Variants in SLC12A3 observed in about 807,000 individuals in gnomAD.
SLC12A3 encodes the protein Na-Cl cotransporter.
A neutral mutation model predicts 121.0 loss-of-function variants in SLC12A3; 104 were observed. The ratio of observed to expected loss-of-function variants is 0.86; its 90% CI spans 0.73 to 1.01. The LOEUF is 1.01. SLC12A3 is among the 50% of genes least tolerant of loss of function. The pLI is 0.00. For missense variants in SLC12A3, 1,328 were observed against 1,356.3 expected, an observed-to-expected ratio of 0.98 and a Z score of 0.33; for synonymous variants, 536 against 533.4, an observed-to-expected ratio of 1.00 and a Z score of -0.07.
intron 15 of SLC12A3, 97 bp downstream of exon 15, chr16:56,885,461 G>C: frequency 2.5e-6 from 2 of 815,406 alleles, no homozygotes; most frequent in Non-Finnish European, 4.1e-6. Flanking sequence ...GACCCAGGCA[G>C]ACCCAGGGTA....
At chr16:56,902,531 G>GGGGGGGCCC in intron 24 of SLC12A3, 23 bp downstream of exon 24, 20 of 714,286 alleles carry the variant, frequency 2.8e-5, no homozygotes, top group East Asian at 1.2e-4. Flanking sequence ...GTGGGGGTGG[G>GGGGGGGCCC]AAACGCGACA....
intron 24 of SLC12A3, among the ~76,000 whole-genome samples, chr16:56,902,836 G>A (rs543386520): frequency 6.2e-4 from 94 of 152,190 alleles, no homozygotes; most frequent in Non-Finnish European, 1.2e-3. Flanking sequence ...GACTCATGGT[G>A]ACAGCCAAGG....
chr16:56,872,625 G>A (rs751843094), intron 7 of SLC12A3, 31 bp from the exon 8 acceptor site: 21 of 1,614,026 alleles, frequency 1.3e-5, no homozygotes, highest in South Asian at 5.5e-5. Context: ...CCCTCCAGGT[G>A]AGCCTTACTC....
At chr16:56,903,042 G>A (rs982891862) in intron 24 of SLC12A3, among the ~76,000 whole-genome samples, 5 of 152,018 alleles carry the variant, frequency 3.3e-5, no homozygotes, top group Admixed American at 1.3e-4. Context: ...CCAGCTACTC[G>A]GGAGGCTGAG....
Position 56,867,095 on chromosome 16 carries a change from T to C in SLC12A3, c.308T>C (p.Leu103Pro), listed in dbSNP as rs747197324. 356 of 1,613,644 alleles carry C rather than the reference T, an allele frequency of 2.2e-4. 1 individual carries two copies. The highest frequency in any genetic ancestry group is 2.8e-4 in the Non-Finnish European group (326 of 1,180,038). ...CAGGAAGGCAGACACCTGCATGCCC[T>C]GGCCTTTGACAGCCGGCCCAGCCAC... ...LKQEGRHLHA[L>P]AFDSRPSHEM... The change falls in exon 2 of 26, where the codon CTG becomes CCG. Residue 103 changes from leucine to proline, a missense_variant. Leu to Pro is a moderately conservative substitution (Grantham distance 98). Transcript: ENST00000563236.
Position 56,890,280 on chromosome 16 carries a change from CT to C in SLC12A3, c.2295del (p.Phe765LeufsTer10). On this transcript the variant is annotated frameshift_variant, in exon 19 of 26. Coordinates refer to ENST00000563236, the MANE Select transcript of SLC12A3 (RefSeq NM_001126108.2). LOFTEE classifies it high-confidence loss of function. ...TCACCTCCTCTCTTTCCAGTGATGC[CT>C]TTGATTTCAACTATGGCGTGTGTGT... ...EDYIGILHDA[F>X]DFNYGVCVMR... 1.2e-6 allele frequency: 2 copies of C among 1,614,076 alleles called. No individual in the cohort carries two copies. Among genetic ancestry groups the C allele is most frequent in the Non-Finnish European group, 8.5e-7 (1 of 1,179,970 alleles).
In SLC12A3 at chr16:56,902,354, C is replaced by A. The variant is rs1330762889; in HGVS notation, c.2721-19C>A. ...GGGTTATCGTCTCAGCCGGCCTCAA[C>A]CCACTTTCTCGTCCCCAGCACCAAG... On this transcript the variant is annotated intron_variant, in intron 23 of 25. Coordinates refer to ENST00000563236, the MANE Select transcript of SLC12A3 (RefSeq NM_001126108.2). 1 of 1,614,120 alleles carries A rather than the reference C, an allele frequency of 6.2e-7. No homozygotes were observed. Among genetic ancestry groups the A allele is most frequent in the Admixed American group, 1.7e-5 (1 of 60,020 alleles).
intron 25 of SLC12A3, among the ~76,000 whole-genome samples, chr16:56,905,061 C>T (rs548720953): frequency 3.7e-4 from 57 of 152,194 alleles, no homozygotes; most frequent in Non-Finnish European, 6.0e-4. Context: ...CATGATTGGC[C>T]GGGCACGGTG....
rs1222883127 is a variant in SLC12A3, at chr16:56,865,450, A to G, written c.215A>G (p.Asn72Ser). The G allele has an allele frequency of 6.2e-7, 1 of 1,614,110 alleles. No homozygotes were observed. Among genetic ancestry groups the G allele is most frequent in the Non-Finnish European group, 8.5e-7 (1 of 1,180,030 alleles). ...GTGCCCACATATGAGCACTATGCCAACAGCACCCAGCCTGGTGAGCCCCGG... is the reference window on the plus strand; with the variant it reads ...GTGCCCACATATGAGCACTATGCCAGCAGCACCCAGCCTGGTGAGCCCCGG... Reference protein sequence around the residue: ...DVVPTYEHYANSTQPGEPRKV... With the variant: ...DVVPTYEHYASSTQPGEPRKV... Residue 72 changes from asparagine to serine, a missense_variant, in exon 1 of 26, where the codon AAC becomes AGC. By Grantham distance (46) the Asn-to-Ser change is conservative (BLOSUM62 1). Coordinates refer to ENST00000563236, the MANE Select transcript of SLC12A3 (RefSeq NM_001126108.2).
At chr16:56,866,952 G>A in intron 1 of SLC12A3, 118 bp from the exon 2 acceptor site, 6 of 1,361,894 alleles carry the variant, frequency 4.4e-6, no homozygotes, top group Non-Finnish European at 6.2e-6. Flanking sequence ...ACACCCAGTG[G>A]GCTGAGGGGT....
chr16:56,870,274 G>A (rs1474857003), intron 5 of SLC12A3, 39 bp downstream of exon 5: 2 of 1,602,104 alleles, frequency 1.2e-6, no homozygotes, highest in African/African-American at 2.7e-5. Context: ...GAGGGATCCG[G>A]GCAGCCCATT....
chr16:56,867,671 C>T (rs948035973), intron 2 of SLC12A3, among the ~76,000 whole-genome samples: 4 of 152,288 alleles, frequency 2.6e-5, no homozygotes, highest in South Asian at 2.1e-4. Flanking sequence ...GCTGTGCCTC[C>T]GTTTCTCCAT....
rs1302748637 is a variant in SLC12A3, at chr16:56,882,393, A to C, written c.1568-3A>C. The C allele has an allele frequency of 1.9e-6, 3 of 1,613,350 alleles. No individual in the cohort carries two copies. The highest frequency in any genetic ancestry group is 2.5e-6 in the Non-Finnish European group (3 of 1,179,408). Reference sequence around the variant, plus strand: ...TGTCCTCTCTCTCCCTGGGTCCCCGAAGCTGAGCTCAACACCATAGCCCCC... The same window carrying C: ...TGTCCTCTCTCTCCCTGGGTCCCCGCAGCTGAGCTCAACACCATAGCCCCC... On this transcript the variant is annotated splice_polypyrimidine_tract_variant and splice_region_variant and intron_variant, in intron 12 of 25. Coordinates refer to ENST00000563236, the MANE Select transcript of SLC12A3 (RefSeq NM_001126108.2).
In SLC12A3 at chr16:56,891,528, G is replaced by C. The variant is rs182637934; in HGVS notation, c.2369-555G>C. On this transcript the variant is annotated intron_variant, in intron 19 of 25. Coordinates refer to ENST00000563236, the MANE Select transcript of SLC12A3 (RefSeq NM_001126108.2). The stretch of plus-strand genomic sequence containing the variant: ...CCGTTCATTTGTGCCATTGCTGAGG[G>C]CATGTCTGGCACACGGATGCCACCA... Among the ~76,000 whole-genome samples, 20 of 152,248 alleles carry C rather than the reference G, an allele frequency of 1.3e-4. No individual in the cohort carries two copies. The East Asian group carries it at 3.1e-3, about 23-fold the overall frequency.
chr16:56,878,579 G>A (rs1159197324), intron 9 of SLC12A3, among the ~76,000 whole-genome samples: 2 of 152,104 alleles, frequency 1.3e-5, no homozygotes, highest in African/African-American at 4.8e-5. Flanking sequence ...AGGAGAAAAT[G>A]GGGGCTCAGA....
intron 19 of SLC12A3, among the ~76,000 whole-genome samples, chr16:56,890,820 T>C (rs1463522739): frequency 6.6e-6 from 1 of 151,438 alleles, no homozygotes; most frequent in Admixed American, 6.6e-5. Flanking sequence ...GAGAATCACT[T>C]GAACCCAGGA....
At chr16:56,872,906 G>A in intron 8 of SLC12A3, 120 bp downstream of exon 8, 1 of 1,338,134 alleles carries the variant, frequency 7.5e-7, no homozygotes. Flanking sequence ...CTAAAATCCA[G>A]TCCAGTCCAA....
chr16:56,874,791 C>T (rs9924336), intron 8 of SLC12A3, among the ~76,000 whole-genome samples: 29,451 of 152,008 alleles, frequency 0.19, 2,978 homozygotes, highest in East Asian at 0.3. Context: ...GGTGACAGAG[C>T]GGAACTCCAT....
Position 56,878,719 on chromosome 16 carries a change from G to A in SLC12A3, c.1181-354G>A, listed in dbSNP as rs1010329226. The stretch of plus-strand genomic sequence containing the variant: ...AGATGTACTTCCTCCCAGTGGCCCC[G>A]TTTGAGGCAAGCTGTTCACAAATGG... On this transcript the variant is annotated intron_variant, in intron 9 of 25. Coordinates refer to ENST00000563236, the MANE Select transcript of SLC12A3 (RefSeq NM_001126108.2). 7.2e-5 allele frequency among the ~76,000 whole-genome samples: 11 copies of A among 152,152 alleles called. No homozygotes were observed. The South Asian group carries it at 8.3e-4, about 11-fold the overall frequency.
Sources: allele counts gnomAD v4.1 joint callset (sites outside exome capture counted in the v4.1 genomes callset), GRCh38; gene constraint gnomAD v4.1.1; transcripts MANE v1.5; gene names NCBI Gene and HGNC (gene_info 2026-07-23, HGNC 2026-07-21).